TAOK3: variants seen among roughly 807,000 people sequenced by gnomAD.
The protein encoded by TAOK3 is TAO kinase 3, also known as serine/threonine-protein kinase TAO3.
In TAOK3, 40 loss-of-function variants were observed where a neutral mutation model predicts 120.4. The ratio of observed to expected loss-of-function variants is 0.33; its 90% CI spans 0.26 to 0.43. The LOEUF (loss-of-function observed/expected upper bound fraction) is 0.43. Among genes scored for constraint, TAOK3 ranks in the 20% least tolerant of loss-of-function variants. The pLI is 1.00. For synonymous variants in TAOK3, 355 were observed against 387.5 expected (o/e 0.92, Z 0.99); for missense variants, 821 against 1,112.1 (o/e 0.74, Z 3.72).
intron 2 of TAOK3, among the ~76,000 whole-genome samples, chr12:118,259,213 CAG>C (rs777122129): frequency 1.8e-4 from 28 of 152,102 alleles, no homozygotes; most frequent in Non-Finnish European, 3.7e-4. Flanking sequence ...GATGGAGTAA[CAG>C]GGGCTGGATT....
intron 1 of TAOK3, among the ~76,000 whole-genome samples, chr12:118,317,996 G>T (rs2043540792): frequency 6.6e-6 from 1 of 151,888 alleles, no homozygotes; most frequent in Admixed American, 6.6e-5. Flanking sequence ...TTTCAACAAG[G>T]GTGCCAAGAC....
intron 1 of TAOK3, among the ~76,000 whole-genome samples, chr12:118,342,049 T>G (rs2044641944): frequency 6.6e-6 from 1 of 152,014 alleles, no homozygotes; most frequent in African/African-American, 2.4e-5. Flanking sequence ...ACCAAAAAAT[T>G]AAAACCTTCT....
At chr12:118,166,837 C>CACACAT (rs1369321448) in intron 17 of TAOK3, among the ~76,000 whole-genome samples, 6 of 133,074 alleles carry the variant, frequency 4.5e-5, no homozygotes, top group African/African-American at 1.7e-4. Context: ...TACACACACA[C>CACACAT]ACACACACAT....
intron 9 of TAOK3, among the ~76,000 whole-genome samples, chr12:118,222,278 T>C (rs2039272688): frequency 6.6e-6 from 1 of 152,158 alleles, no homozygotes; most frequent in Non-Finnish European, 1.5e-5. Context: ...CTCACGCCTA[T>C]AATCCCAGCA....
chr12:118,161,971 G>A lies in TAOK3; in HGVS notation c.1956C>T (p.His652=), dbSNP rs369335110. ...KEMEHAMLIR[H]DESTRELEYR... is the part of the protein sequence containing the mutation. ...ACTCTAGCTCTCGGGTGGACTCGTCGTGCCGGATTAGCATGGCATGCTCCA... is the reference window on the plus strand; with the variant it reads ...ACTCTAGCTCTCGGGTGGACTCGTCATGCCGGATTAGCATGGCATGCTCCA... The change falls in exon 18 of 21, where the codon CAC becomes CAT. Residue 652 remains histidine, a synonymous_variant. Coordinates refer to ENST00000392533, the MANE Select transcript of TAOK3 (RefSeq NM_016281.4). This position sits in a 1 kb window ranked among gnomAD's most constrained non-coding sequence, Gnocchi z 4.5. 2.0e-4 allele frequency: 315 copies of A among 1,613,948 alleles called. 1 individual carries two copies. Among genetic ancestry groups the A allele is most frequent in the Non-Finnish European group, 2.5e-4 (297 of 1,180,028 alleles).
At chr12:118,307,229 C>G (rs544758705) in intron 1 of TAOK3, among the ~76,000 whole-genome samples, 63 of 152,122 alleles carry the variant, frequency 4.1e-4, no homozygotes, top group Middle Eastern at 3.4e-3. Context: ...TCTTCCCCCC[C>G]CCATCTCTGG....
chr12:118,339,261 C>T (rs953276243), intron 1 of TAOK3, among the ~76,000 whole-genome samples: 4 of 145,940 alleles, frequency 2.7e-5, no homozygotes, highest in Non-Finnish European at 6.0e-5. Context: ...GAAAATTCTC[C>T]GTTCTTCATC....
rs57197721 is a variant in TAOK3, at chr12:118,217,816, C to CATATAT, written c.644-3712_644-3707dup. On this transcript the variant is annotated intron_variant, in intron 9 of 20. Coordinates refer to ENST00000392533, the MANE Select transcript of TAOK3 (RefSeq NM_016281.4). ...GTATGTATGTGTGTGTGTGTGTATA[C>CATATAT]ATATATATATATATATATATATATA... Among the ~76,000 whole-genome samples, 192 of 45,892 alleles carry CATATAT rather than the reference C, an allele frequency of 4.2e-3. 5 individuals are homozygous for CATATAT. The highest frequency in any genetic ancestry group is 5.3e-3 in the Non-Finnish European group (134 of 25,418). The allele number at this position is 45,892 out of a possible 152,430, so 30.1% of individuals were successfully genotyped here.
At chr12:118,272,691 C>T (rs1476574482) in intron 1 of TAOK3, among the ~76,000 whole-genome samples, 3 of 152,114 alleles carry the variant, frequency 2.0e-5, no homozygotes, top group Non-Finnish European at 4.4e-5. Context: ...AGACTTCTGG[C>T]CAGGTGCAGT....
At chr12:118,323,135 T>C (rs1010296699) in intron 1 of TAOK3, among the ~76,000 whole-genome samples, 2 of 152,116 alleles carry the variant, frequency 1.3e-5, no homozygotes, top group Non-Finnish European at 2.9e-5. Context: ...GCTAGGTATA[T>C]TCAGGTAAAA....
chr12:118,319,459 T>C (rs907921020), intron 1 of TAOK3, among the ~76,000 whole-genome samples: 2 of 151,994 alleles, frequency 1.3e-5, no homozygotes, highest in African/African-American at 4.8e-5. Context: ...CTACAACATA[T>C]AAAGAACTGC....
chr12:118,217,560 C>T (rs2038969423), intron 9 of TAOK3, among the ~76,000 whole-genome samples: 1 of 151,396 alleles, frequency 6.6e-6, no homozygotes, highest in Non-Finnish European at 1.5e-5. Context: ...GTGGCATGCG[C>T]CTGTAATCCC....
chr12:118,278,549 G>A (rs2041983664), intron 1 of TAOK3, among the ~76,000 whole-genome samples: 1 of 152,152 alleles, frequency 6.6e-6, no homozygotes, highest in South Asian at 2.1e-4. Flanking sequence ...CACCGCTGAT[G>A]GGCATTTAGG....
chr12:118,172,208 C>T (rs982670213), intron 17 of TAOK3, among the ~76,000 whole-genome samples: 6 of 152,202 alleles, frequency 3.9e-5, no homozygotes, highest in Non-Finnish European at 5.9e-5. Flanking sequence ...TGGCTTATAA[C>T]GGGAGTTCAA....
rs61103033 is a variant in TAOK3 at position 118,286,556 on chromosome 12, T to TAA, written c.-193-19799_-193-19798dup. ...CCTACTCCTGCAAGAATGGCCATAA[T>TAA]AAAAAAAAAAAAACAGATGTTAGCA... On this transcript the variant is annotated intron_variant, in intron 1 of 20. Transcript: ENST00000392533. Among the ~76,000 whole-genome samples, 1,102 of 137,814 alleles carry TAA rather than the reference T, an allele frequency of 8.0e-3. 7 individuals are homozygous for TAA. The highest frequency in any genetic ancestry group is 0.018 in the Middle Eastern group (5 of 280). 90.4% of individuals were successfully genotyped at this position (137,814 alleles called of 152,430 possible). A position where few individuals can be genotyped will look rare whatever the true frequency, so the allele number is the denominator to read the frequency against.
intron 9 of TAOK3, among the ~76,000 whole-genome samples, chr12:118,220,408 G>C (rs2039171796): frequency 6.6e-6 from 1 of 152,028 alleles, no homozygotes; most frequent in African/African-American, 2.4e-5. Flanking sequence ...AAGAATCTTT[G>C]TTCAGTAAGT....
chr12:118,287,606 C>CAAGT (rs1358700665), intron 1 of TAOK3, among the ~76,000 whole-genome samples: 3 of 152,114 alleles, frequency 2.0e-5, no homozygotes, highest in Non-Finnish European at 2.9e-5. Flanking sequence ...TGGTATTGAT[C>CAAGT]AAGTGGTTTA....
intron 1 of TAOK3, among the ~76,000 whole-genome samples, chr12:118,359,961 G>A (rs2045535159): frequency 1.3e-5 from 2 of 152,092 alleles, no homozygotes; most frequent in South Asian, 4.1e-4. Flanking sequence ...TTTCTAAGAT[G>A]CGCGATTATT....
intron 13 of TAOK3, among the ~76,000 whole-genome samples, chr12:118,193,020 C>A (rs989793674): frequency 6.0e-5 from 9 of 148,972 alleles, no homozygotes; most frequent in Non-Finnish European, 1.2e-4. Context: ...AGTAAACCTA[C>A]GTTAACCTGG....
Sources: gnomAD v4.1 joint callset for allele counts (sites outside exome capture counted in the v4.1 genomes callset) on GRCh38, gnomAD v4.1.1 for gene constraint, Gnocchi (gnomAD v3.1) non-coding constraint, MANE v1.5 for transcripts, NCBI Gene and HGNC (gene_info 2026-07-23, HGNC 2026-07-21) for gene names.